EXOC3L2: variants seen among roughly 807,000 people sequenced by gnomAD.
The protein encoded by EXOC3L2 is exocyst complex component 3-like protein 2.
Under a neutral mutation model 44.4 loss-of-function variants are expected in EXOC3L2, and 17 were observed. That is an observed-to-expected ratio of 0.38 (90% CI 0.26 to 0.57). The LOEUF (loss-of-function observed/expected upper bound fraction) is 0.57. Ranked by LOEUF, EXOC3L2 falls within the 20% of genes least tolerant of loss-of-function variation. The pLI, the probability that EXOC3L2 is intolerant of heterozygous loss-of-function variation, is 0.65. For missense variants in EXOC3L2, 541 were observed against 588.4 expected (o/e 0.92, Z 0.83); for synonymous variants, 256 against 253.7 (o/e 1.01, Z -0.09).
intron 10 of EXOC3L2, 148 bp from the exon 11 acceptor site, chr19:45,216,342 G>A (rs890585371): frequency 1.8e-6 from 2 of 1,140,932 alleles, no homozygotes; most frequent in Non-Finnish European, 2.4e-6. Flanking sequence ...TTGGGAGGAG[G>A]CCGAGGCGGG....
In EXOC3L2 at chr19:45,227,428, A is replaced by G. The variant is rs558828053; in HGVS notation, c.1583+234T>C. 2.0e-5 allele frequency among the ~76,000 whole-genome samples: 3 copies of G among 152,118 alleles called. No individual in the cohort carries two copies. The South Asian group carries it at 6.2e-4, about 32-fold the overall frequency. ...GAGCCACTGTGCCCAGCCAAAATCTATCATTCTTAGAGTCTTGAGTCCGGC... is the reference window on the plus strand; with the variant it reads ...GAGCCACTGTGCCCAGCCAAAATCTGTCATTCTTAGAGTCTTGAGTCCGGC... On this transcript the variant is annotated intron_variant, in intron 7 of 11. Transcript: ENST00000413988.
At position 45,234,114 on chromosome 19, in the gene EXOC3L2, C is replaced by G. The variant is rs1448826753; in HGVS notation, c.1157+79G>C. 2.1e-5 allele frequency: 8 copies of G among 378,964 alleles called. No homozygotes were observed. Among genetic ancestry groups the G allele is most frequent in the Non-Finnish European group, 3.8e-5 (8 of 213,266 alleles). 23.5% of individuals were successfully genotyped at this position (378,964 alleles called of 1,614,324 possible). On this transcript the variant is annotated intron_variant, in intron 3 of 11. Transcript: ENST00000413988. This position sits in a 1 kb window ranked among gnomAD's most constrained non-coding sequence, Gnocchi z 5.0. ...ACTGTAGGGTCAGCTGTCCCAAGGT[C>G]CTTAAGGTCTGAAGAAGCCAGTGCT... is the stretch of plus-strand genomic sequence containing the variant.
At position 45,234,584 on chromosome 19, in the gene EXOC3L2, C is replaced by T. The variant is rs1970063559; in HGVS notation, c.766G>A (p.Gly256Arg). ...LAGPGPGACA[G>R]AGAVAQLGQV... is the part of the protein sequence containing the mutation. Reference sequence around the variant, plus strand: ...CCCAGCTGCGCCACCGCGCCAGCCCCGGCGCACGCTCCCGGCCCGGGGCCC... The same window carrying T: ...CCCAGCTGCGCCACCGCGCCAGCCCTGGCGCACGCTCCCGGCCCGGGGCCC... Residue 256 changes from glycine (G) to arginine (R), a missense_variant, in exon 3 of 12, where the codon GGG becomes AGG. Physicochemically the swap from Gly to Arg is moderately radical, Grantham distance 125. Coordinates refer to ENST00000413988, the MANE Select transcript of EXOC3L2 (RefSeq NM_001382422.1). This position sits in a 1 kb window ranked among gnomAD's most constrained non-coding sequence, Gnocchi z 5.0. 2 of 271,726 alleles carry T rather than the reference C, an allele frequency of 7.4e-6. No individual in the cohort carries two copies. Among genetic ancestry groups the T allele is most frequent in the Non-Finnish European group, 1.4e-5 (2 of 144,234 alleles). 16.8% of individuals were successfully genotyped at this position (271,726 alleles called of 1,614,324 possible). A position where few individuals can be genotyped will look rare whatever the true frequency, so the allele number is the denominator to read the frequency against.
chr19:45,216,302 G>T, intron 10 of EXOC3L2, 108 bp from the exon 11 acceptor site: 1 of 1,436,114 alleles, frequency 7.0e-7, no homozygotes, highest in Non-Finnish European at 9.3e-7. Flanking sequence ...GAAACCAGGG[G>T]TGGTGGCTCA....
At chr19:45,232,572 G>A (rs1228675455) in intron 3 of EXOC3L2, among the ~76,000 whole-genome samples, 2 of 152,266 alleles carry the variant, frequency 1.3e-5, no homozygotes, top group South Asian at 2.1e-4. Flanking sequence ...ACTGTCCAAC[G>A]TGTGGCTTGG....
rs557731628 is a variant in EXOC3L2, at chr19:45,239,906, G to A, written c.-16-845C>T. 2.0e-4 allele frequency among the ~76,000 whole-genome samples: 31 copies of A among 152,122 alleles called. 1 individual carries two copies. Among genetic ancestry groups the A allele is most frequent in the African/African-American group, 7.5e-4 (31 of 41,490 alleles). On this transcript the variant is annotated intron_variant, in intron 1 of 11. Transcript: ENST00000413988. ...GAAGGCTCCCTCCCAAGATGACACAGTCAGTCAAGGGCAGAGATGATATGG... is the reference window on the plus strand; with the variant it reads ...GAAGGCTCCCTCCCAAGATGACACAATCAGTCAAGGGCAGAGATGATATGG...
chr19:45,225,372 C>T (rs1568481641), intron 7 of EXOC3L2, among the ~76,000 whole-genome samples: 1 of 151,758 alleles, frequency 6.6e-6, no homozygotes, highest in Non-Finnish European at 1.5e-5. Flanking sequence ...AGGTTCATGC[C>T]ATTCTCCTGC....
intron 9 of EXOC3L2, among the ~76,000 whole-genome samples, 157 bp from the exon 10 acceptor site, chr19:45,217,840 G>C (rs981876935): frequency 6.6e-6 from 1 of 151,806 alleles, no homozygotes; most frequent in East Asian, 1.9e-4. Flanking sequence ...CAGCCCCTGA[G>C]CTATCCTAGG....
chr19:45,226,747 CTTTTTTTT>C (rs957385712), intron 7 of EXOC3L2, among the ~76,000 whole-genome samples: 1 of 90,670 alleles, frequency 1.1e-5, no homozygotes, highest in African/African-American at 6.1e-5. Flanking sequence ...ACTCCCATCT[CTTTTTTTT>C]TTTTTTTTTT....
intron 1 of EXOC3L2, among the ~76,000 whole-genome samples, chr19:45,243,636 A>G (rs948149010): frequency 3.3e-5 from 5 of 151,696 alleles, no homozygotes; most frequent in African/African-American, 1.2e-4. Context: ...CTTCTATTTT[A>G]TTTTATTTTT....
rs770491427 is a variant in EXOC3L2 at position 45,231,841 on chromosome 19, C to T, written c.1191G>A (p.Leu397=). Residue 397 remains leucine, a synonymous_variant, in exon 4 of 12, where the codon CTG becomes CTA. Transcript: ENST00000413988. ...EVLGLVDMAA[L]ENGELGPLLS... ...GAAGGGGCCCCAGCTCCCCATTCTC[C>T]AGGGCGGCCATGTCCACCAGCCCTA... is the stretch of plus-strand genomic sequence containing the variant. The T allele has an allele frequency of 1.2e-6, 2 of 1,609,474 alleles. No homozygotes were observed. The highest frequency in any genetic ancestry group is 2.2e-5 in the South Asian group (2 of 90,816).
intron 1 of EXOC3L2, among the ~76,000 whole-genome samples, chr19:45,244,367 G>A (rs1327021169): frequency 2.6e-5 from 4 of 151,974 alleles, no homozygotes; most frequent in South Asian, 2.1e-4. Flanking sequence ...AACCTTGCCC[G>A]GACTACATCT....
intron 11 of EXOC3L2, 65 bp from the exon 12 acceptor site, chr19:45,213,422 C>T (rs1373700631): frequency 2.3e-5 from 36 of 1,577,898 alleles, no homozygotes; most frequent in African/African-American, 1.4e-4. Flanking sequence ...CCAACCCAGC[C>T]GTGGACCCCA....
chr19:45,215,954 CGT>C, intron 11 of EXOC3L2, 117 bp downstream of exon 11: 3 of 1,413,708 alleles, frequency 2.1e-6, no homozygotes, highest in Non-Finnish European at 2.9e-6. Flanking sequence ...AGGAAACGGC[CGT>C]CAGACACGCT....
Position 45,228,253 on chromosome 19 carries a change from GC to G in EXOC3L2, c.1282del (p.Ala428LeufsTer55), listed in dbSNP as rs760296733. 2 of 1,614,048 alleles carry G rather than the reference GC, an allele frequency of 1.2e-6. No individual in the cohort carries two copies. Among genetic ancestry groups the G allele is most frequent in the Non-Finnish European group, 8.5e-7 (1 of 1,180,010 alleles). On this transcript the variant is annotated frameshift_variant, in exon 5 of 12. Transcript: ENST00000413988. LOFTEE classifies it high-confidence loss of function. The part of the protein sequence containing the change: ...CVTDVKAQTR[A>X]ALLRVLQEDE... ...CTCCTGCAGCACACGGAGAAGGGCA[GC>G]CCGGGTCTGAGCCTACAGTAGGGAG... is the stretch of plus-strand genomic sequence containing the variant.
At chr19:45,243,329 G>A (rs1417719982) in intron 1 of EXOC3L2, among the ~76,000 whole-genome samples, 1 of 152,188 alleles carries the variant, frequency 6.6e-6, no homozygotes, top group Non-Finnish European at 1.5e-5. Flanking sequence ...ACGTGCGGGG[G>A]TGGACAGGAG....
At chr19:45,223,485 G>A (rs1451558649) in intron 8 of EXOC3L2, among the ~76,000 whole-genome samples, 1 of 151,854 alleles carries the variant, frequency 6.6e-6, no homozygotes, top group African/African-American at 2.4e-5. Context: ...TGGGAGTACA[G>A]GTGTGTGCTG....
intron 8 of EXOC3L2, among the ~76,000 whole-genome samples, chr19:45,224,372 G>A (rs1427398158): frequency 6.6e-6 from 1 of 152,042 alleles, no homozygotes; most frequent in Non-Finnish European, 1.5e-5. Flanking sequence ...GTTACGGCCA[G>A]GAACACACTC....
At chr19:45,221,391 C>T (rs1350820267) in intron 8 of EXOC3L2, among the ~76,000 whole-genome samples, 3 of 151,726 alleles carry the variant, frequency 2.0e-5, no homozygotes, top group African/African-American at 7.3e-5. Flanking sequence ...CTCGCTCTGT[C>T]GCCAGGCTAG....
Sources: allele counts gnomAD v4.1 joint callset (sites outside exome capture counted in the v4.1 genomes callset), GRCh38; gene constraint gnomAD v4.1.1; non-coding constraint Gnocchi (gnomAD v3.1); transcripts MANE v1.5; gene names NCBI Gene and HGNC (gene_info 2026-07-23, HGNC 2026-07-21).